The following RPS6KC1 variants were observed in gnomAD, a reference collection of about 807,000 sequenced individuals.
RPS6KC1 encodes the protein inactive ribosomal protein S6 kinase delta-1.
Under a neutral mutation model 103.8 loss-of-function variants are expected in RPS6KC1, and 54 were observed. The observed-to-expected ratio is 0.52, with a 90% CI of 0.42 to 0.65. The LOEUF is 0.65. Ranked by LOEUF, RPS6KC1 falls within the 30% of genes least tolerant of loss-of-function variation. The pLI is 0.00. For missense variants in RPS6KC1, 1,151 were observed against 1,253.8 expected, an observed-to-expected ratio of 0.92 and a Z score of 1.24; for synonymous variants, 439 against 438.7, an observed-to-expected ratio of 1.00 and a Z score of -0.01.
chr1:213,316,554 G>T, the RPS6KC1 span, among the ~76,000 whole-genome samples: 1 of 152,324 alleles, frequency 6.6e-6, no homozygotes, highest in East Asian at 1.9e-4. Context: ...AATTGCTAGG[G>T]ATATAAGAGA....
the RPS6KC1 span, among the ~76,000 whole-genome samples, chr1:213,589,599 G>A: frequency 2.7e-5 from 4 of 149,882 alleles, no homozygotes; most frequent in Non-Finnish European, 4.4e-5. Flanking sequence ...CCGAGATTGC[G>A]CCATTGCACT....
chr1:213,824,837 G>A, the RPS6KC1 span, among the ~76,000 whole-genome samples: 1 of 152,144 alleles, frequency 6.6e-6, no homozygotes, highest in African/African-American at 2.4e-5. Context: ...CCAGTGTTGG[G>A]TATGTTTTTA....
chr1:213,811,476 C>T, the RPS6KC1 span, among the ~76,000 whole-genome samples: 895 of 152,212 alleles, frequency 5.9e-3, 7 homozygotes, highest in African/African-American at 0.019. Context: ...GAGCTGCTCA[C>T]GATAAATAGC....
rs1257275336 is a variant in RPS6KC1 at position 213,268,223 on chromosome 1, T to C, written c.3091-4301T>C. 1.3e-5 allele frequency among the ~76,000 whole-genome samples: 2 copies of C among 151,970 alleles called. 1 individual carries two copies. Among genetic ancestry groups the C allele is most frequent in the Non-Finnish European group, 2.9e-5 (2 of 67,930 alleles). The stretch of plus-strand genomic sequence containing the variant: ...TAACTTACATAGAAGGAAGCAGTAA[T>C]GTCTAACTAATTATCAAAAACATGG... On this transcript the variant is annotated intron_variant, in intron 14 of 14. Transcript: ENST00000366960.
the RPS6KC1 span, among the ~76,000 whole-genome samples, chr1:213,717,622 A>G: frequency 6.6e-6 from 1 of 152,232 alleles, no homozygotes; most frequent in Non-Finnish European, 1.5e-5. Context: ...CTTCTGAGTC[A>G]TGGCAGCCAT....
At chr1:213,512,564 G>A in the RPS6KC1 span, among the ~76,000 whole-genome samples, 1 of 152,186 alleles carries the variant, frequency 6.6e-6, no homozygotes, top group Non-Finnish European at 1.5e-5. Flanking sequence ...GGTACAAACT[G>A]CTGGAGTTCC....
chr1:213,645,454 C>A, the RPS6KC1 span, among the ~76,000 whole-genome samples: 1 of 152,116 alleles, frequency 6.6e-6, no homozygotes, highest in African/African-American at 2.4e-5. Context: ...AAGAATTAAA[C>A]AAGAATGCGT....
At chr1:213,743,396 G>A in the RPS6KC1 span, among the ~76,000 whole-genome samples, 827 of 151,678 alleles carry the variant, frequency 5.5e-3, 7 homozygotes, top group Middle Eastern at 0.041. Context: ...ATGAAAGAAA[G>A]GAGAGAGGAA....
At chr1:213,769,832 A>T in the RPS6KC1 span, among the ~76,000 whole-genome samples, 10 of 149,570 alleles carry the variant, frequency 6.7e-5, no homozygotes, top group African/African-American at 1.2e-4. Flanking sequence ...GACAAGATTT[A>T]AAAAAAAATA....
chr1:213,478,232 G>A, the RPS6KC1 span, among the ~76,000 whole-genome samples: 359 of 152,162 alleles, frequency 2.4e-3, 1 homozygote, highest in African/African-American at 7.8e-3. Flanking sequence ...TCCATTGTCC[G>A]AATGTACCAC....
At chr1:213,721,661 G>A in the RPS6KC1 span, among the ~76,000 whole-genome samples, 4 of 152,108 alleles carry the variant, frequency 2.6e-5, no homozygotes, top group Non-Finnish European at 5.9e-5. Flanking sequence ...TCTGAGACCA[G>A]CCCCAAAACT....
the RPS6KC1 span, among the ~76,000 whole-genome samples, chr1:213,494,604 A>G: frequency 6.6e-6 from 1 of 152,186 alleles, no homozygotes; most frequent in Non-Finnish European, 1.5e-5. Flanking sequence ...CAAAGTCTCT[A>G]TAAGGATGCA....
chr1:213,142,427 GAC>G (rs2087173216), intron 6 of RPS6KC1, among the ~76,000 whole-genome samples: 1 of 152,054 alleles, frequency 6.6e-6, no homozygotes, highest in African/African-American at 2.4e-5. Context: ...GATGTAAGGA[GAC>G]ACTCTGGCTC....
intron 7 of RPS6KC1, among the ~76,000 whole-genome samples, chr1:213,172,840 A>G (rs1489873968): frequency 6.6e-6 from 1 of 152,216 alleles, no homozygotes; most frequent in Non-Finnish European, 1.5e-5. Flanking sequence ...GAATACAACC[A>G]TTCTTTGCCT....
At chr1:213,668,390 T>TC in the RPS6KC1 span, among the ~76,000 whole-genome samples, 4 of 120,262 alleles carry the variant, frequency 3.3e-5, no homozygotes, top group African/African-American at 5.2e-5. Flanking sequence ...GAAAGAACCT[T>TC]CCCCCCGCCG....
chr1:213,382,005 A>G, the RPS6KC1 span, among the ~76,000 whole-genome samples: 6 of 152,284 alleles, frequency 3.9e-5, no homozygotes, highest in Non-Finnish European at 8.8e-5. Context: ...AGGGGATGGC[A>G]CAGAGGCGAG....
chr1:213,525,076 G>A, the RPS6KC1 span, among the ~76,000 whole-genome samples: 1 of 152,192 alleles, frequency 6.6e-6, no homozygotes, highest in African/African-American at 2.4e-5. Flanking sequence ...ATGATAATAA[G>A]GATGATTTTA....
At chr1:213,771,029 T>C in the RPS6KC1 span, among the ~76,000 whole-genome samples, 1 of 152,192 alleles carries the variant, frequency 6.6e-6, no homozygotes, top group African/African-American at 2.4e-5. Context: ...GATGTGTATG[T>C]CAGCCTCTCT....
the RPS6KC1 span, among the ~76,000 whole-genome samples, chr1:213,435,279 GATA>G: frequency 6.6e-6 from 1 of 152,092 alleles, no homozygotes; most frequent in Non-Finnish European, 1.5e-5. Flanking sequence ...GTGGAATAGT[GATA>G]ATAACCATTT....
Sources: gnomAD v4.1 joint callset for allele counts (sites outside exome capture counted in the v4.1 genomes callset) on GRCh38, gnomAD v4.1.1 for gene constraint, MANE v1.5 for transcripts, NCBI Gene and HGNC (gene_info 2026-07-23, HGNC 2026-07-21) for gene names.